The following RABGAP1L variants were observed in gnomAD, a reference collection of about 807,000 sequenced individuals.
RABGAP1L encodes RAB GTPase activating protein 1 like, also known as rab GTPase-activating protein 1-like.
In RABGAP1L, 63 loss-of-function variants were observed where a neutral mutation model predicts 137.7. That is an observed-to-expected ratio of 0.46 (90% CI 0.37 to 0.56). The LOEUF is 0.56. RABGAP1L is among the 20% of genes least tolerant of loss of function. The pLI is 0.00. For synonymous variants in RABGAP1L, 431 were observed against 433.7 expected, an observed-to-expected ratio of 0.99 and a Z score of 0.08; for missense variants, 1,095 against 1,244.0, an observed-to-expected ratio of 0.88 and a Z score of 1.80.
At chr1:174,487,823 G>T (rs1659815723) in intron 13 of RABGAP1L, among the ~76,000 whole-genome samples, 1 of 151,964 alleles carries the variant, frequency 6.6e-6, no homozygotes, top group Admixed American at 6.6e-5. Flanking sequence ...CGTGAGACTT[G>T]CAAGTAATAT....
chr1:174,211,760 T>C (rs759570814), intron 1 of RABGAP1L, among the ~76,000 whole-genome samples: 12 of 152,056 alleles, frequency 7.9e-5, no homozygotes, highest in Non-Finnish European at 1.3e-4. Flanking sequence ...AAGACACACA[T>C]AGACTGAAAA....
intron 7 of RABGAP1L, among the ~76,000 whole-genome samples, chr1:174,253,023 A>G (rs1327362330): frequency 1.3e-5 from 2 of 152,204 alleles, no homozygotes; most frequent in Non-Finnish European, 2.9e-5. Flanking sequence ...TTCAGAAAAC[A>G]AAGGAATGGT....
intron 14 of RABGAP1L, among the ~76,000 whole-genome samples, chr1:174,650,822 GTC>G (rs1400776697): frequency 6.9e-6 from 1 of 144,064 alleles, no homozygotes; most frequent in African/African-American, 2.8e-5. Flanking sequence ...GGTTTTTTGT[GTC>G]TCTATTTCCT....
At chr1:174,394,286 T>C in intron 13 of RABGAP1L, 141 bp downstream of exon 13, 1 of 918,526 alleles carries the variant, frequency 1.1e-6, no homozygotes, top group Non-Finnish European at 1.6e-6. Flanking sequence ...TTCTACCTTT[T>C]GTTCTGAACA....
At chr1:174,621,219 G>A (rs1464188172) in intron 13 of RABGAP1L, among the ~76,000 whole-genome samples, 2 of 152,108 alleles carry the variant, frequency 1.3e-5, no homozygotes, top group East Asian at 1.9e-4. Context: ...CAAACAAATG[G>A]AAGAACATTC....
intron 15 of RABGAP1L, among the ~76,000 whole-genome samples, chr1:174,698,718 A>G (rs1482607788): frequency 6.6e-6 from 1 of 151,782 alleles, no homozygotes; most frequent in Admixed American, 6.6e-5. Context: ...AGATAGAAAG[A>G]TTTCCAACAT....
intron 13 of RABGAP1L, among the ~76,000 whole-genome samples, chr1:174,603,842 C>T (rs1670589261): frequency 6.6e-6 from 1 of 152,022 alleles, no homozygotes; most frequent in South Asian, 2.1e-4. Context: ...GAAATGTCAT[C>T]CCGAGCTAGA....
chr1:174,356,944 T>G (rs1308770612), intron 11 of RABGAP1L, among the ~76,000 whole-genome samples: 1 of 152,030 alleles, frequency 6.6e-6, no homozygotes, highest in African/African-American at 2.4e-5. Flanking sequence ...ATTGAGAGTA[T>G]TATTTCCATT....
intron 8 of RABGAP1L, among the ~76,000 whole-genome samples, chr1:174,272,971 A>T (rs1296783603): frequency 6.6e-6 from 1 of 152,068 alleles, no homozygotes; most frequent in African/African-American, 2.4e-5. Context: ...ATGTCCTTAA[A>T]GGTTAATATA....
chr1:174,877,338 T>C, intron 19 of RABGAP1L: 1 of 1,400,400 alleles, frequency 7.1e-7, no homozygotes, highest in Non-Finnish European at 9.6e-7. Flanking sequence ...CGCTTTTTTT[T>C]TCTTTCTCTT....
chr1:174,388,843 G>A (rs551061653), intron 12 of RABGAP1L, among the ~76,000 whole-genome samples: 3 of 152,210 alleles, frequency 2.0e-5, no homozygotes, highest in South Asian at 4.1e-4. Context: ...ATTACATCAA[G>A]TAAAGTCACC....
At chr1:174,352,867 C>G (rs1683315581) in intron 11 of RABGAP1L, among the ~76,000 whole-genome samples, 1 of 152,166 alleles carries the variant, frequency 6.6e-6, no homozygotes, top group African/African-American at 2.4e-5. Flanking sequence ...TCGGTAAGAT[C>G]CAGGAAAATT....
At chr1:174,392,901 C>T (rs1647330591) in intron 12 of RABGAP1L, among the ~76,000 whole-genome samples, 1 of 152,038 alleles carries the variant, frequency 6.6e-6, no homozygotes, top group African/African-American at 2.4e-5. Flanking sequence ...CCAGAGTCAG[C>T]TCTAATAGAT....
At chr1:174,839,256 G>C (rs1020725690) in intron 19 of RABGAP1L, among the ~76,000 whole-genome samples, 10 of 152,054 alleles carry the variant, frequency 6.6e-5, no homozygotes, top group Admixed American at 2.0e-4. Flanking sequence ...GTTCCCATAA[G>C]GCCTAGCCAC....
chr1:174,846,828 G>T (rs1229978838), intron 19 of RABGAP1L, among the ~76,000 whole-genome samples: 1 of 57,472 alleles, frequency 1.7e-5, no homozygotes, highest in Non-Finnish European at 4.9e-5. Context: ...ACAGTGGGGT[G>T]TTAAAGTCTC....
intron 13 of RABGAP1L, among the ~76,000 whole-genome samples, chr1:174,553,844 T>C (rs1666707736): frequency 2.0e-5 from 3 of 152,084 alleles, no homozygotes; most frequent in African/African-American, 7.2e-5. Flanking sequence ...CTGCAAAAAT[T>C]AGCTGGACGT....
chr1:174,225,218 T>C (rs1670074903), intron 3 of RABGAP1L, among the ~76,000 whole-genome samples: 1 of 152,120 alleles, frequency 6.6e-6, no homozygotes, highest in South Asian at 2.1e-4. Context: ...ATTTTAGATA[T>C]TGTATTTTTC....
Position 174,346,587 on chromosome 1 carries a change from G to A in RABGAP1L, c.1466-24392G>A, listed in dbSNP as rs181318623. ...AAATATCTGCAGTATTGGTTGTAAT[G>A]TCTTCTTTTTATCTCTGATTTCATT... On this transcript the variant is annotated intron_variant, in intron 11 of 25. Coordinates refer to ENST00000681986, the MANE Select transcript of RABGAP1L (RefSeq NM_001366446.1). 3.8e-3 allele frequency among the ~76,000 whole-genome samples: 582 copies of A among 151,854 alleles called. 6 individuals are homozygous for A. Among genetic ancestry groups the A allele is most frequent in the African/African-American group, 0.014 (564 of 41,480 alleles).
At chr1:174,456,849 AT>A (rs1422339254) in intron 13 of RABGAP1L, among the ~76,000 whole-genome samples, 1 of 152,168 alleles carries the variant, frequency 6.6e-6, no homozygotes, top group Admixed American at 6.5e-5. Flanking sequence ...TATGCTACTT[AT>A]TTAAACAGTT....
Sources: allele counts gnomAD v4.1 joint callset (sites outside exome capture counted in the v4.1 genomes callset), GRCh38; gene constraint gnomAD v4.1.1; transcripts MANE v1.5; gene names NCBI Gene and HGNC (gene_info 2026-07-23, HGNC 2026-07-21).